Variants in DLG2 observed in about 807,000 individuals in gnomAD.
DLG2 encodes discs large MAGUK scaffold protein 2.
Under a neutral mutation model 132.5 loss-of-function variants are expected in DLG2, and 45 were observed. The observed-to-expected ratio is 0.34, with a 90% confidence interval of 0.27 to 0.44. DLG2 has a LOEUF of 0.44. Ranked by LOEUF, DLG2 falls within the 20% of genes least tolerant of loss-of-function variation. DLG2 has a pLI of 1.00. For missense variants in DLG2, 1,045 were observed against 1,196.9 expected (o/e 0.87, Z 1.87); for synonymous variants, 424 against 419.6 (o/e 1.01, Z -0.13).
At chr11:85,160,579 G>A (rs2077951873) in intron 4 of DLG2, among the ~76,000 whole-genome samples, 1 of 152,158 alleles carries the variant, frequency 6.6e-6, no homozygotes, top group African/African-American at 2.4e-5. Context: ...GACCCATCTA[G>A]TCACAGAGTG....
At chr11:83,956,644 C>T (rs1228087175) in intron 14 of DLG2, among the ~76,000 whole-genome samples, 1 of 152,212 alleles carries the variant, frequency 6.6e-6, no homozygotes, top group Non-Finnish European at 1.5e-5. Flanking sequence ...AAGAGAAATC[C>T]TGCATCAAAA....
intron 15 of DLG2, among the ~76,000 whole-genome samples, chr11:83,890,677 G>T (rs2069529928): frequency 6.6e-6 from 1 of 152,140 alleles, no homozygotes; most frequent in Non-Finnish European, 1.5e-5. Flanking sequence ...CTCTGATGGG[G>T]AAAATAAAGC....
At chr11:84,990,306 C>A (rs569464357) in intron 6 of DLG2, among the ~76,000 whole-genome samples, 2 of 152,060 alleles carry the variant, frequency 1.3e-5, no homozygotes, top group Non-Finnish European at 2.9e-5. Context: ...AAACTTAATC[C>A]CCAGTGCAAT....
chr11:83,785,661 G>A (rs915738537), intron 18 of DLG2, among the ~76,000 whole-genome samples: 2 of 152,202 alleles, frequency 1.3e-5, no homozygotes, highest in African/African-American at 4.8e-5. Flanking sequence ...TTATTCATGG[G>A]CAGACCATGT....
intron 10 of DLG2, among the ~76,000 whole-genome samples, chr11:84,098,196 G>C (rs2097193511): frequency 6.6e-6 from 1 of 152,000 alleles, no homozygotes; most frequent in Non-Finnish European, 1.5e-5. Flanking sequence ...CCACCACCAT[G>C]CCCAGCTACT....
chr11:84,229,653 T>C (rs2097061704), intron 8 of DLG2, among the ~76,000 whole-genome samples: 1 of 152,206 alleles, frequency 6.6e-6, no homozygotes, highest in Non-Finnish European at 1.5e-5. Context: ...TGCCACTGGT[T>C]TGAAGACCCC....
At chr11:83,835,634 T>C (rs1001247417) in intron 16 of DLG2, among the ~76,000 whole-genome samples, 2 of 152,174 alleles carry the variant, frequency 1.3e-5, no homozygotes, top group Non-Finnish European at 2.9e-5. Context: ...TTTAGTTTTC[T>C]ATTGCTGAAT....
rs1350738351 is a variant in DLG2 at position 83,753,902 on chromosome 11, ATT to A, written c.1825+32786_1825+32787del. ...TATATATCATATATATCATATATAT[ATT>A]TCATATATATTTCATATATATAGTG... On this transcript the variant is annotated intron_variant, in intron 18 of 27. Transcript: ENST00000376104. Among the ~76,000 whole-genome samples the A allele has an allele frequency of 8.2e-4, 75 of 91,804 alleles. 3 individuals carry two copies. The highest frequency in any genetic ancestry group is 2.5e-3 in the South Asian group (7 of 2,842). The allele number at this position is 91,804 out of a possible 152,430, so 60.2% of individuals were successfully genotyped here. A position where few individuals can be genotyped will look rare whatever the true frequency, so the allele number is the denominator to read the frequency against.
intron 16 of DLG2, among the ~76,000 whole-genome samples, chr11:83,846,006 A>C (rs1013785205): frequency 6.6e-6 from 1 of 152,246 alleles, no homozygotes; most frequent in African/African-American, 2.4e-5. Flanking sequence ...AAATAGTCAC[A>C]CATAAAGTAA....
chr11:84,978,487 C>G (rs551213786), intron 6 of DLG2, among the ~76,000 whole-genome samples: 3 of 152,068 alleles, frequency 2.0e-5, no homozygotes, highest in Admixed American at 6.6e-5. Flanking sequence ...CAGAACAGAG[C>G]CCTCAGAAAT....
chr11:85,055,200 T>G (rs2063327793), intron 6 of DLG2, among the ~76,000 whole-genome samples: 1 of 152,140 alleles, frequency 6.6e-6, no homozygotes, highest in South Asian at 2.1e-4. Flanking sequence ...AACTTTTCTT[T>G]TGGAATACAG....
intron 3 of DLG2, among the ~76,000 whole-genome samples, chr11:85,339,442 C>T (rs993576678): frequency 2.8e-4 from 42 of 152,006 alleles, no homozygotes; most frequent in African/African-American, 8.5e-4. Context: ...GTCCATTTTC[C>T]CTCCAGAAGG....
intron 7 of DLG2, among the ~76,000 whole-genome samples, chr11:84,268,440 G>A (rs916048002): frequency 6.7e-6 from 1 of 150,112 alleles, no homozygotes; most frequent in African/African-American, 2.5e-5. Context: ...CTATGTGACT[G>A]TGGGAAAGGT....
intron 18 of DLG2, among the ~76,000 whole-genome samples, chr11:83,733,868 C>A (rs974662179): frequency 6.6e-6 from 1 of 152,132 alleles, no homozygotes; most frequent in African/African-American, 2.4e-5. Context: ...AACCATCACC[C>A]AAATAGTGAA....
At chr11:84,395,245 T>C (rs1286929226) in intron 7 of DLG2, among the ~76,000 whole-genome samples, 2 of 152,196 alleles carry the variant, frequency 1.3e-5, no homozygotes, top group Non-Finnish European at 2.9e-5. Context: ...TCTTTAATTA[T>C]TTTAAACAAT....
chr11:84,228,438 T>C (rs905020852), intron 8 of DLG2, among the ~76,000 whole-genome samples: 6 of 152,198 alleles, frequency 3.9e-5, no homozygotes, highest in African/African-American at 1.4e-4. Flanking sequence ...TTAATCAGAA[T>C]TTTACTCCCA....
chr11:83,693,262 C>T (rs568062375), intron 18 of DLG2, among the ~76,000 whole-genome samples: 13 of 152,118 alleles, frequency 8.5e-5, no homozygotes, highest in Non-Finnish European at 1.8e-4. Context: ...GGCATGAGTG[C>T]ACACAGGAAA....
intron 6 of DLG2, among the ~76,000 whole-genome samples, chr11:85,038,984 T>C (rs1375363045): frequency 5.9e-5 from 9 of 152,164 alleles, no homozygotes; most frequent in Middle Eastern, 3.4e-3. Flanking sequence ...ATAAAATTAC[T>C]GTAAAAAATA....
At chr11:83,815,379 C>A (rs184299922) in intron 17 of DLG2, 1 of 152,556 alleles carries the variant, frequency 6.6e-6, no homozygotes, top group Non-Finnish European at 1.5e-5. Context: ...ATAATGGAGA[C>A]CTTACTGTGG....
Sources: allele counts gnomAD v4.1 joint callset (sites outside exome capture counted in the v4.1 genomes callset), GRCh38; gene constraint gnomAD v4.1.1; transcripts MANE v1.5; gene names NCBI Gene and HGNC (gene_info 2026-07-23, HGNC 2026-07-21).